The following ANXA4 variants were observed in gnomAD, a reference collection of about 807,000 sequenced individuals.
ANXA4 encodes 35-beta calcimedin.
A neutral mutation model predicts 49.8 loss-of-function variants in ANXA4; 39 were observed. The ratio of observed to expected loss-of-function variants is 0.78; its 90% CI spans 0.61 to 1.02. ANXA4 has a LOEUF of 1.02. ANXA4 is among the 50% of genes least tolerant of loss of function. ANXA4 has a pLI of 0.00. For missense variants in ANXA4, 360 were observed against 410.1 expected (o/e 0.88, Z 1.05); for synonymous variants, 134 against 152.5 (o/e 0.88, Z 0.89).
intron 12 of ANXA4, among the ~76,000 whole-genome samples, chr2:69,825,220 A>G (rs943424880): frequency 2.0e-5 from 3 of 152,208 alleles, no homozygotes; most frequent in South Asian, 2.1e-4. Flanking sequence ...GGACATTCAC[A>G]CATCAAAACG....
chr2:69,720,620 T>C (rs978374833), intron 2 of ANXA4, among the ~76,000 whole-genome samples: 13 of 152,160 alleles, frequency 8.5e-5, no homozygotes, highest in African/African-American at 2.7e-4. Flanking sequence ...TTTAAAAGAT[T>C]CCTCTTGCTG....
chr2:69,671,523 C>T (rs1486342265), intron 2 of ANXA4, among the ~76,000 whole-genome samples: 1 of 152,122 alleles, frequency 6.6e-6, no homozygotes, highest in Non-Finnish European at 1.5e-5. Context: ...TCTAGACTAC[C>T]CTGGCCAACA....
intron 3 of ANXA4, among the ~76,000 whole-genome samples, chr2:69,795,912 A>G (rs1429907426): frequency 6.6e-6 from 1 of 152,178 alleles, no homozygotes; most frequent in Non-Finnish European, 1.5e-5. Flanking sequence ...GACACCCACC[A>G]TGGTTGTGCT....
At chr2:69,787,971 G>T in intron 2 of ANXA4, 83 bp from the exon 3 acceptor site, 2 of 1,206,258 alleles carry the variant, frequency 1.7e-6, no homozygotes, top group Non-Finnish European at 1.2e-6. Flanking sequence ...TATGGTCAGT[G>T]CTCAACAAAT....
At chr2:69,694,280 T>G (rs564888991) in intron 2 of ANXA4, among the ~76,000 whole-genome samples, 66 of 152,124 alleles carry the variant, frequency 4.3e-4, no homozygotes, top group African/African-American at 1.5e-3. Flanking sequence ...CAGGAAGATA[T>G]CCTGTGAAGC....
At chr2:69,824,320 T>C (rs1281826200) in intron 12 of ANXA4, among the ~76,000 whole-genome samples, 3 of 151,930 alleles carry the variant, frequency 2.0e-5, no homozygotes, top group Middle Eastern at 3.2e-3. Flanking sequence ...CTGGCCAACA[T>C]GGTGAAACCC....
intron 2 of ANXA4, among the ~76,000 whole-genome samples, chr2:69,711,996 A>G (rs1396653856): frequency 6.6e-6 from 1 of 152,018 alleles, no homozygotes; most frequent in Non-Finnish European, 1.5e-5. Context: ...GGATTTTTGT[A>G]TGTGTTGCCT....
intron 2 of ANXA4, among the ~76,000 whole-genome samples, chr2:69,673,547 C>T (rs1677274392): frequency 6.6e-6 from 1 of 151,962 alleles, no homozygotes; most frequent in South Asian, 2.1e-4. Flanking sequence ...AGGAGAAATA[C>T]CCAATGTAGA....
intron 2 of ANXA4, among the ~76,000 whole-genome samples, chr2:69,681,512 G>A (rs539436494): frequency 3.3e-5 from 5 of 151,990 alleles, no homozygotes; most frequent in Non-Finnish European, 5.9e-5. Context: ...TTACAGGCAC[G>A]TGCCACCATA....
At chr2:69,747,678 C>A (rs1670666836) in intron 1 of ANXA4, among the ~76,000 whole-genome samples, 2 of 152,270 alleles carry the variant, frequency 1.3e-5, no homozygotes, top group African/African-American at 4.8e-5. Context: ...CAAAACTACA[C>A]AAAATTGTTA....
chr2:69,699,474 A>G (rs1215992416), intron 2 of ANXA4, among the ~76,000 whole-genome samples: 1 of 151,912 alleles, frequency 6.6e-6, no homozygotes, highest in Non-Finnish European at 1.5e-5. Context: ...ACCTCATTCT[A>G]TGAGAAAATG....
At chr2:69,667,813 G>A (rs1005134619) in intron 2 of ANXA4, among the ~76,000 whole-genome samples, 4 of 152,192 alleles carry the variant, frequency 2.6e-5, no homozygotes, top group Admixed American at 2.0e-4. Context: ...TGCTGCACCC[G>A]GAATCAGCAG....
chr2:69,739,658 A>C (rs1670335032), upstream of ANXA4, among the ~76,000 whole-genome samples: 1 of 151,748 alleles, frequency 6.6e-6, no homozygotes, highest in African/African-American at 2.4e-5. Flanking sequence ...TCCTGACCTC[A>C]AGCCATCCTC....
Position 69,796,364 on chromosome 2 carries a change from T to A in ANXA4, c.98-8169T>A, listed in dbSNP as rs144225996. Among the ~76,000 whole-genome samples the A allele has an allele frequency of 4.2e-3, 644 of 152,286 alleles. 5 individuals carry two copies. The highest frequency in any genetic ancestry group is 0.013 in the African/African-American group (548 of 41,552). Reference sequence around the variant, plus strand: ...CTCCTGGGGCTCCTCCCAGTCCCTATGGTAAAAGACCAAGGTGGCCACCTT... The same window carrying A: ...CTCCTGGGGCTCCTCCCAGTCCCTAAGGTAAAAGACCAAGGTGGCCACCTT... On this transcript the variant is annotated intron_variant, in intron 3 of 12. Transcript: ENST00000394295.
chr2:69,657,947 G>C (rs1340455496), intron 2 of ANXA4, among the ~76,000 whole-genome samples: 1 of 152,110 alleles, frequency 6.6e-6, no homozygotes, highest in East Asian at 1.9e-4. Flanking sequence ...CAATATATAA[G>C]TGGATGAGGC....
chr2:69,705,626 C>T (rs1031492551), intron 2 of ANXA4, among the ~76,000 whole-genome samples: 8 of 152,114 alleles, frequency 5.3e-5, no homozygotes, highest in African/African-American at 1.4e-4. Flanking sequence ...TGTATTCTTA[C>T]GTGTCTTTTA....
At chr2:69,763,813 C>A (rs1181811692) in intron 1 of ANXA4, among the ~76,000 whole-genome samples, 2 of 152,048 alleles carry the variant, frequency 1.3e-5, no homozygotes, top group Non-Finnish European at 2.9e-5. Context: ...CAGGCGTGCG[C>A]CACCACGCCT....
chr2:69,826,697 A>G lies in ANXA4; in HGVS notation c.*1182A>G, dbSNP rs1674484547. 2.0e-5 allele frequency: 3 copies of G among 151,804 alleles called. 1 individual carries two copies. In the South Asian group the frequency reaches 6.2e-4, roughly 31 times the overall value. 9.4% of individuals were successfully genotyped at this position (151,804 alleles called of 1,614,324 possible). ...CCACTCGGAGGCTGAGTCAGGGAGA[A>G]CTGCTTGAACCCAGGAGGCAGGAGG... On this transcript the variant is annotated 3_prime_UTR_variant, in exon 13 of 13. Coordinates refer to ENST00000394295, the MANE Select transcript of ANXA4 (RefSeq NM_001153.5).
At chr2:69,677,716 C>G (rs556440299) in intron 2 of ANXA4, among the ~76,000 whole-genome samples, 1 of 152,308 alleles carries the variant, frequency 6.6e-6, no homozygotes, top group East Asian at 1.9e-4. Flanking sequence ...AAACAGCAAG[C>G]TCCCTCTGAC....
Sources: gnomAD v4.1 joint callset for allele counts (sites outside exome capture counted in the v4.1 genomes callset) on GRCh38, gnomAD v4.1.1 for gene constraint, MANE v1.5 for transcripts, NCBI Gene and HGNC (gene_info 2026-07-23, HGNC 2026-07-21) for gene names.